Variants in ADARB2 observed in about 807,000 individuals in gnomAD.
ADARB2 encodes the protein adenosine deaminase RNA specific B2 (inactive).
A neutral mutation model predicts 62.2 loss-of-function variants in ADARB2; 25 were observed. The ratio of observed to expected loss-of-function variants is 0.40; its 90% confidence interval spans 0.29 to 0.56. The LOEUF (loss-of-function observed/expected upper bound fraction) is 0.56, where lower values mean the gene tolerates loss of function less well. Among genes scored for constraint, ADARB2 ranks in the 20% least tolerant of loss-of-function variants. The pLI is 0.43. For missense variants in ADARB2, 1,071 were observed against 1,077.4 expected (o/e 0.99, Z 0.08); for synonymous variants, 572 against 500.8 (o/e 1.14, Z -1.90).
chr10:1,257,177 G>T (rs1488104110), intron 4 of ADARB2, among the ~76,000 whole-genome samples: 1 of 152,184 alleles, frequency 6.6e-6, no homozygotes, highest in Non-Finnish European at 1.5e-5. Flanking sequence ...TGACTGAGGT[G>T]TGAGTTCCCC....
chr10:1,539,986 C>T lies in ADARB2; in HGVS notation c.101-160826G>A, dbSNP rs183905238. Among the ~76,000 whole-genome samples the T allele has an allele frequency of 4.4e-3, 670 of 151,834 alleles. 3 individuals carry two copies. The highest frequency in any genetic ancestry group is 7.8e-3 in the Non-Finnish European group (527 of 67,958). ...ATTTTTTTTTTCTTTTGGTGGTTGA[C>T]AAGTGAACAAAAACCAATAATTGAA... On this transcript the variant is annotated intron_variant, in intron 1 of 9. Coordinates refer to ENST00000381312, the MANE Select transcript of ADARB2 (RefSeq NM_018702.4).
intron 4 of ADARB2, among the ~76,000 whole-genome samples, chr10:1,259,750 A>G (rs1043129495): frequency 2.0e-5 from 3 of 152,238 alleles, no homozygotes; most frequent in Non-Finnish European, 4.4e-5. Flanking sequence ...ATTCCTTCTG[A>G]AACTATTCCA....
At chr10:1,344,570 G>A (rs767663821) in intron 3 of ADARB2, among the ~76,000 whole-genome samples, 6 of 152,194 alleles carry the variant, frequency 3.9e-5, no homozygotes, top group South Asian at 2.1e-4. Flanking sequence ...CCGCCAGGCC[G>A]CTGCAGGAGG....
chr10:1,575,800 C>A (rs1442229877), intron 1 of ADARB2, among the ~76,000 whole-genome samples: 5 of 152,182 alleles, frequency 3.3e-5, no homozygotes, highest in African/African-American at 9.6e-5. Context: ...GGCCTTGGGG[C>A]AGTGCCAGGG....
At chr10:1,317,384 G>C (rs1041736862) in intron 3 of ADARB2, among the ~76,000 whole-genome samples, 3 of 152,208 alleles carry the variant, frequency 2.0e-5, no homozygotes, top group Non-Finnish European at 2.9e-5. Flanking sequence ...CCACGAGCCT[G>C]ACAGGCATAG....
rs151300637 is a variant in ADARB2, at chr10:1,217,003, C to T, written c.1630G>A (p.Val544Ile). 2.5e-5 allele frequency: 40 copies of T among 1,610,540 alleles called. No homozygotes were observed. Among genetic ancestry groups the T allele is most frequent in the African/African-American group, 1.2e-4 (9 of 74,934 alleles). The change falls in exon 7 of 10, where the codon GTC (valine) becomes ATC (isoleucine). Residue 544 changes from valine to isoleucine, a missense_variant. Physicochemically the swap from Val to Ile is conservative, Grantham distance 29. Coordinates refer to ENST00000381312, the MANE Select transcript of ADARB2 (RefSeq NM_018702.4). Reference protein sequence around the residue: ...GPSAVQTWDGVLLGEQLITMS... With the variant: ...GPSAVQTWDGILLGEQLITMS... The stretch of plus-strand genomic sequence containing the variant: ...GTGATCAGCTGCTCCCCCAGCAGGA[C>T]GCCGTCCCAGGTCTGCACTGCGCTG...
intron 3 of ADARB2, among the ~76,000 whole-genome samples, chr10:1,329,929 CTTT>C (rs370355543): frequency 1.1e-3 from 111 of 100,240 alleles, no homozygotes; most frequent in Middle Eastern, 6.7e-3. Context: ...GAAGAAGTGC[CTTT>C]TTTTTTTTTT....
intron 7 of ADARB2, among the ~76,000 whole-genome samples, chr10:1,202,379 A>G (rs1341255558): frequency 3.3e-5 from 5 of 152,038 alleles, no homozygotes; most frequent in Non-Finnish European, 4.4e-5. Context: ...GAGTCTTCCT[A>G]TGTTGCCCAG....
chr10:1,248,795 C>G (rs1012605369), intron 4 of ADARB2, among the ~76,000 whole-genome samples: 2 of 152,136 alleles, frequency 1.3e-5, no homozygotes, highest in South Asian at 2.1e-4. Context: ...AGAAAATATA[C>G]GAATTTCTAT....
chr10:1,329,711 C>G (rs976137582), intron 3 of ADARB2, among the ~76,000 whole-genome samples: 1 of 152,170 alleles, frequency 6.6e-6, no homozygotes, highest in African/African-American at 2.4e-5. Context: ...GTGGGACAAA[C>G]AACATCCCTG....
At chr10:1,358,091 A>G (rs1226793876) in intron 3 of ADARB2, among the ~76,000 whole-genome samples, 3 of 152,242 alleles carry the variant, frequency 2.0e-5, no homozygotes, top group African/African-American at 7.2e-5. Flanking sequence ...GGAGAAAAAA[A>G]TCACCCTGGA....
At chr10:1,579,652 A>G (rs141663048) in intron 1 of ADARB2, among the ~76,000 whole-genome samples, 220 of 152,322 alleles carry the variant, frequency 1.4e-3, no homozygotes, top group Non-Finnish European at 2.1e-3. Flanking sequence ...AAATAAAATA[A>G]AGACTCCAAA....
intron 6 of ADARB2, among the ~76,000 whole-genome samples, chr10:1,223,944 C>A (rs140745915): frequency 0.027 from 4,042 of 152,210 alleles, 70 homozygotes; most frequent in East Asian, 0.053. Flanking sequence ...TCGTAAAATG[C>A]GTTAGGGAGG....
intron 8 of ADARB2, among the ~76,000 whole-genome samples, chr10:1,187,657 C>A (rs146926750): frequency 1.3e-5 from 2 of 152,356 alleles, no homozygotes; most frequent in Admixed American, 6.5e-5. Flanking sequence ...TTCCTCCCAA[C>A]GCTCCTGGCT....
At position 1,310,703 on chromosome 10, in the gene ADARB2, C is replaced by T. The variant is rs966419574; in HGVS notation, c.1078-39634G>A. On this transcript the variant is annotated intron_variant, in intron 3 of 9. Coordinates refer to ENST00000381312, the MANE Select transcript of ADARB2 (RefSeq NM_018702.4). Reference sequence around the variant, plus strand: ...CTGGAGGGGATCTCTGTGGTTGGGACGGGGATAAGTGGAGAGGGGAGGAGG... The same window carrying T: ...CTGGAGGGGATCTCTGTGGTTGGGATGGGGATAAGTGGAGAGGGGAGGAGG... Among the ~76,000 whole-genome samples, 60 of 152,082 alleles carry T rather than the reference C, an allele frequency of 3.9e-4. 1 individual carries two copies. The highest frequency in any genetic ancestry group is 3.7e-3 in the Admixed American group (56 of 15,278).
chr10:1,362,894 A>C (rs1169495231), intron 3 of ADARB2, 134 bp downstream of exon 3: 1 of 901,128 alleles, frequency 1.1e-6, no homozygotes, highest in African/African-American at 1.7e-5. Context: ...GCCGGGAGAC[A>C]TTCTTTCCCC....
At chr10:1,517,559 T>C (rs1832021183) in intron 1 of ADARB2, among the ~76,000 whole-genome samples, 1 of 152,184 alleles carries the variant, frequency 6.6e-6, no homozygotes, top group South Asian at 2.1e-4. Flanking sequence ...TCCTCTTTCC[T>C]TTTCTTATTT....
intron 5 of ADARB2, among the ~76,000 whole-genome samples, chr10:1,234,954 C>T (rs1380904031): frequency 6.6e-6 from 1 of 152,032 alleles, no homozygotes; most frequent in East Asian, 1.9e-4. Context: ...GCCATGTTGG[C>T]CAGGCTGGTT....
In ADARB2 at chr10:1,712,536, A is replaced by G. The variant is rs570780842; in HGVS notation, c.100+24515T>C. Among the ~76,000 whole-genome samples, 48 of 151,946 alleles carry G rather than the reference A, an allele frequency of 3.2e-4. 1 individual carries two copies. The highest frequency in any genetic ancestry group is 1.1e-3 in the African/African-American group (46 of 41,436). On this transcript the variant is annotated intron_variant, in intron 1 of 9. Transcript: ENST00000381312. ...AGCTGGACTGGCTGTGGTCTGTGGG[A>G]AGCAACCCGGGAGGATTGGGAAAGC...
Sources: gnomAD v4.1 joint callset for allele counts (sites outside exome capture counted in the v4.1 genomes callset) on GRCh38, gnomAD v4.1.1 for gene constraint, MANE v1.5 for transcripts, NCBI Gene and HGNC (gene_info 2026-07-23, HGNC 2026-07-21) for gene names.